GRID1: variants seen among roughly 807,000 people sequenced by gnomAD.
The protein encoded by GRID1 is glutamate ionotropic receptor delta type subunit 1.
Under a neutral mutation model 98.0 loss-of-function variants are expected in GRID1, and 28 were observed. That is an observed-to-expected ratio of 0.29 (90% CI 0.21 to 0.39). The LOEUF (loss-of-function observed/expected upper bound fraction) is 0.39. GRID1 is among the 10% of genes least tolerant of loss of function. The pLI is 1.00. For missense variants in GRID1, 1,111 were observed against 1,340.5 expected (o/e 0.83, Z 2.67); for synonymous variants, 553 against 538.5 (o/e 1.03, Z -0.37).
chr10:86,346,624 G>T (rs1309895524), intron 2 of GRID1, among the ~76,000 whole-genome samples: 1 of 152,248 alleles, frequency 6.6e-6, no homozygotes, highest in Non-Finnish European at 1.5e-5. Flanking sequence ...CTGCCCAGGA[G>T]GCAGGAGCCA....
intron 12 of GRID1, among the ~76,000 whole-genome samples, chr10:85,696,597 T>C (rs963895630): frequency 6.6e-6 from 1 of 152,094 alleles, no homozygotes; most frequent in Non-Finnish European, 1.5e-5. Context: ...GTTTAATACC[T>C]TTATTAAAAT....
At chr10:85,658,404 C>A (rs1840927264) in intron 12 of GRID1, among the ~76,000 whole-genome samples, 1 of 152,156 alleles carries the variant, frequency 6.6e-6, no homozygotes, top group Non-Finnish European at 1.5e-5. Flanking sequence ...ATTATTTCTA[C>A]CCCCCTCATT....
chr10:86,054,895 T>C (rs1449086213), intron 4 of GRID1, among the ~76,000 whole-genome samples: 2 of 152,208 alleles, frequency 1.3e-5, no homozygotes, highest in African/African-American at 4.8e-5. Flanking sequence ...TGTGACTTTC[T>C]TTGGCCAATA....
intron 4 of GRID1, among the ~76,000 whole-genome samples, chr10:86,133,835 T>C (rs1189974802): frequency 6.6e-6 from 1 of 152,206 alleles, no homozygotes; most frequent in Non-Finnish European, 1.5e-5. Flanking sequence ...CAGAAACGGA[T>C]GGTGCCTGGA....
At chr10:86,109,475 A>G (rs776788993) in intron 4 of GRID1, among the ~76,000 whole-genome samples, 5 of 152,192 alleles carry the variant, frequency 3.3e-5, no homozygotes, top group African/African-American at 4.8e-5. Context: ...CAGTGGCCAA[A>G]CAGGGCTCTC....
intron 14 of GRID1, among the ~76,000 whole-genome samples, chr10:85,618,245 C>G (rs569009862): frequency 1.3e-5 from 2 of 152,140 alleles, no homozygotes; most frequent in African/African-American, 4.8e-5. Context: ...GCTGGGGCCC[C>G]TGTGCTTCCA....
intron 4 of GRID1, among the ~76,000 whole-genome samples, chr10:86,073,182 A>T (rs1423812683): frequency 6.6e-6 from 1 of 152,240 alleles, no homozygotes; most frequent in Non-Finnish European, 1.5e-5. Context: ...GATTAAAATG[A>T]TTAGCCAAAT....
chr10:86,344,964 C>A (rs1848361627), intron 2 of GRID1, among the ~76,000 whole-genome samples: 1 of 152,238 alleles, frequency 6.6e-6, no homozygotes, highest in African/African-American at 2.4e-5. Context: ...AATGCTCCCA[C>A]TTTCCCTGCC....
chr10:86,021,877 G>T (rs1451806105), intron 4 of GRID1, among the ~76,000 whole-genome samples: 1 of 152,192 alleles, frequency 6.6e-6, no homozygotes, highest in African/African-American at 2.4e-5. Context: ...TCTGCAAAGG[G>T]CTTACTAGCT....
At chr10:86,089,185 C>A (rs1345651510) in intron 4 of GRID1, among the ~76,000 whole-genome samples, 2 of 152,202 alleles carry the variant, frequency 1.3e-5, no homozygotes, top group Admixed American at 6.5e-5. Context: ...AAAGAGTTCA[C>A]AAACACACCG....
intron 6 of GRID1, 73 bp downstream of exon 6, chr10:85,868,937 A>G: frequency 1.5e-6 from 2 of 1,323,904 alleles, no homozygotes; most frequent in South Asian, 2.4e-5. Flanking sequence ...AGGCCCCCAC[A>G]TGTCTCCCTT....
In GRID1 at chr10:85,835,678, C is replaced by A. The variant is rs185469270; in HGVS notation, c.1233+18818G>T. On this transcript the variant is annotated intron_variant, in intron 8 of 15. Transcript: ENST00000327946. ...AGAACAGACTAATACAACAATCAAC[C>A]AATAATATCTAATTGACACATATAG... Among the ~76,000 whole-genome samples, 25 of 152,202 alleles carry A rather than the reference C, an allele frequency of 1.6e-4. No homozygotes were observed. The East Asian group carries it at 3.5e-3, about 21-fold the overall frequency.
chr10:86,250,113 ATG>A (rs1307193491), intron 2 of GRID1, among the ~76,000 whole-genome samples: 9 of 152,136 alleles, frequency 5.9e-5, no homozygotes, highest in African/African-American at 2.2e-4. Context: ...GGATGCATGC[ATG>A]TATGAGTCAA....
chr10:86,052,053 G>A (rs1319582844), intron 4 of GRID1, among the ~76,000 whole-genome samples: 1 of 151,918 alleles, frequency 6.6e-6, no homozygotes, highest in Non-Finnish European at 1.5e-5. Context: ...TTATCATTAG[G>A]AAGCTGGTTA....
intron 2 of GRID1, among the ~76,000 whole-genome samples, chr10:86,263,634 C>T (rs1488459249): frequency 6.6e-6 from 1 of 152,222 alleles, no homozygotes; most frequent in Non-Finnish European, 1.5e-5. Context: ...GATGTCACCT[C>T]ACCTCTGATG....
At chr10:86,154,455 G>A (rs1845214866) in intron 3 of GRID1, among the ~76,000 whole-genome samples, 1 of 152,104 alleles carries the variant, frequency 6.6e-6, no homozygotes, top group African/African-American at 2.4e-5. Context: ...ACAACAGAAT[G>A]TCGAGCCCCA....
At chr10:85,929,260 C>A (rs1053553199) in intron 4 of GRID1, among the ~76,000 whole-genome samples, 1 of 152,172 alleles carries the variant, frequency 6.6e-6, no homozygotes, top group Non-Finnish European at 1.5e-5. Flanking sequence ...CACAGCAGAT[C>A]CCCTTGAATC....
intron 4 of GRID1, among the ~76,000 whole-genome samples, chr10:86,102,196 A>G (rs1844306136): frequency 6.6e-6 from 1 of 152,242 alleles, no homozygotes; most frequent in Admixed American, 6.5e-5. Context: ...GAATTTTAAC[A>G]GGCCACTCTG....
At chr10:86,348,156 T>C (rs1420031147) in intron 2 of GRID1, among the ~76,000 whole-genome samples, 1 of 152,184 alleles carries the variant, frequency 6.6e-6, no homozygotes, top group African/African-American at 2.4e-5. Context: ...CGTGTGTACT[T>C]GTCAGAGGTC....
Sources: allele counts gnomAD v4.1 joint callset (sites outside exome capture counted in the v4.1 genomes callset), GRCh38; gene constraint gnomAD v4.1.1; transcripts MANE v1.5; gene names NCBI Gene and HGNC (gene_info 2026-07-23, HGNC 2026-07-21).